The following SND1 variants were observed in gnomAD, a reference collection of about 807,000 sequenced individuals.
SND1 encodes staphylococcal nuclease and tudor domain containing 1.
In SND1, 38 loss-of-function variants were observed where a neutral mutation model predicts 121.7. The observed-to-expected ratio is 0.31, with a 90% CI of 0.24 to 0.41. The LOEUF (loss-of-function observed/expected upper bound fraction) is 0.41, where lower values mean the gene tolerates loss of function less well. SND1 is among the 10% of genes least tolerant of loss of function. The pLI is 1.00. For synonymous variants in SND1, 401 were observed against 447.4 expected (o/e 0.90, Z 1.31); for missense variants, 868 against 1,184.6 (o/e 0.73, Z 3.92).
At chr7:127,708,350 T>C (rs941381302) in intron 9 of SND1, among the ~76,000 whole-genome samples, 2 of 151,394 alleles carry the variant, frequency 1.3e-5, no homozygotes, top group Non-Finnish European at 2.9e-5. Context: ...TTCCTTCCTT[T>C]CTCCCTCCCT....
In SND1 at chr7:128,029,996, G is replaced by T; in HGVS notation, c.1779+38940G>T. 1 of 1,613,146 alleles carries T rather than the reference G, an allele frequency of 6.2e-7. No individual in the cohort carries two copies. Among genetic ancestry groups the T allele is most frequent in the Non-Finnish European group, 8.5e-7 (1 of 1,180,032 alleles). On this transcript the variant is annotated intron_variant, in intron 16 of 23. Coordinates refer to ENST00000354725, the MANE Select transcript of SND1 (RefSeq NM_014390.4). This position sits in a 1 kb window ranked among gnomAD's most constrained non-coding sequence, Gnocchi z 4.2. ...CCAGCTCCTCCAGCCCCACCAGGGG[G>T]GTGAGATTGGGCATGTCTTTAATGT...
chr7:127,907,409 G>A (rs1800362886), intron 14 of SND1, among the ~76,000 whole-genome samples: 1 of 152,284 alleles, frequency 6.6e-6, no homozygotes, highest in Non-Finnish European at 1.5e-5. Context: ...AAAATAAACA[G>A]GGAAAAAGAC....
intron 17 of SND1, among the ~76,000 whole-genome samples, chr7:128,076,033 C>G (rs1233039674): frequency 2.0e-5 from 3 of 152,208 alleles, no homozygotes; most frequent in African/African-American, 7.2e-5. Context: ...CGGCAAGCCC[C>G]AGAGTCTAAC....
intron 12 of SND1, among the ~76,000 whole-genome samples, chr7:127,883,008 T>C (rs1173587158): frequency 6.6e-6 from 1 of 152,146 alleles, no homozygotes; most frequent in African/African-American, 2.4e-5. Context: ...AGGACTGAAA[T>C]GCTTCTCCAA....
intron 16 of SND1, among the ~76,000 whole-genome samples, chr7:128,012,042 C>G (rs1255104415): frequency 6.6e-6 from 1 of 151,958 alleles, no homozygotes; most frequent in African/African-American, 2.4e-5. Context: ...TTGAAGCTCC[C>G]CAGGCAATTT....
At chr7:127,931,462 C>A (rs571666591) in intron 15 of SND1, among the ~76,000 whole-genome samples, 2 of 152,300 alleles carry the variant, frequency 1.3e-5, no homozygotes, top group Non-Finnish European at 2.9e-5. Flanking sequence ...GAGAAGCCAT[C>A]TTCATAACAT....
intron 21 of SND1, among the ~76,000 whole-genome samples, chr7:128,088,704 C>T (rs1307309971): frequency 2.6e-5 from 4 of 151,764 alleles, no homozygotes; most frequent in South Asian, 2.1e-4. Flanking sequence ...CCACCCACCT[C>T]GGCCTCCCAA....
intron 16 of SND1, among the ~76,000 whole-genome samples, chr7:128,067,970 C>T (rs1793345361): frequency 6.6e-6 from 1 of 152,050 alleles, no homozygotes; most frequent in Non-Finnish European, 1.5e-5. Context: ...CTTATTTAAG[C>T]CAGCCTTACC....
chr7:127,697,948 A>C (rs2116331532), intron 3 of SND1, among the ~76,000 whole-genome samples: 1 of 152,276 alleles, frequency 6.6e-6, no homozygotes, highest in East Asian at 1.9e-4. Flanking sequence ...TTTTTATGTG[A>C]TTATTCCCTC....
intron 15 of SND1, among the ~76,000 whole-genome samples, chr7:127,983,893 C>T (rs538289810): frequency 2.6e-5 from 4 of 152,202 alleles, no homozygotes; most frequent in East Asian, 1.9e-4. Context: ...TAAGTTTTTC[C>T]GATATGGCGT....
chr7:127,802,188 A>G (rs1446574478), intron 10 of SND1, among the ~76,000 whole-genome samples: 2 of 152,106 alleles, frequency 1.3e-5, no homozygotes, highest in Admixed American at 6.5e-5. Flanking sequence ...CTAATTGCCT[A>G]CTGTTGACCA....
chr7:127,800,556 T>C (rs1036037513), intron 10 of SND1, among the ~76,000 whole-genome samples: 2 of 152,220 alleles, frequency 1.3e-5, no homozygotes, highest in Admixed American at 6.5e-5. Flanking sequence ...GTATGAAATA[T>C]TGGGAGAAAT....
At chr7:127,661,729 G>T (rs1795314817) in intron 1 of SND1, among the ~76,000 whole-genome samples, 1 of 152,114 alleles carries the variant, frequency 6.6e-6, no homozygotes, top group Admixed American at 6.5e-5. Flanking sequence ...GCGTTCAGGT[G>T]GATGTCATCC....
At position 127,766,771 on chromosome 7, in the gene SND1, CAAAAAAAAAAAAAAA is replaced by C. The variant is rs59243807; in HGVS notation, c.1153-40697_1153-40683del. Among the ~76,000 whole-genome samples, 64 of 33,212 alleles carry C rather than the reference CAAAAAAAAAAAAAAA, an allele frequency of 1.9e-3. 2 individuals carry two copies. The highest frequency in any genetic ancestry group is 0.011 in the South Asian group (3 of 276). The allele number at this position is 33,212 out of a possible 152,430, so 21.8% of individuals were successfully genotyped here. On this transcript the variant is annotated intron_variant, in intron 10 of 23. Transcript: ENST00000354725. ...TGGGTGACAAAGCGAGACTTTGTCTCAAAAAAAAAAAAAAAAAAAAAAAAAAAAAATAGTTTTTTT... is the reference window on the plus strand; with the variant it reads ...TGGGTGACAAAGCGAGACTTTGTCTCAAAAAAAAAAAAAAATAGTTTTTTT...
rs560871207 is a variant in SND1, at chr7:127,749,847, C to T, written c.1152+28447C>T. Among the ~76,000 whole-genome samples the T allele has an allele frequency of 1.9e-3, 294 of 152,314 alleles. 3 individuals are homozygous for T. Among genetic ancestry groups the T allele is most frequent in the Middle Eastern group, 3.4e-3 (1 of 294 alleles). The stretch of plus-strand genomic sequence containing the variant: ...TGAATCTGGGTGCAGTGGCTCAAGC[C>T]TGCAATGCCAACAATTTGGGAGGCC... On this transcript the variant is annotated intron_variant, in intron 10 of 23. Coordinates refer to ENST00000354725, the MANE Select transcript of SND1 (RefSeq NM_014390.4).
At chr7:128,078,799 G>A (rs187538360) in intron 17 of SND1, among the ~76,000 whole-genome samples, 30 of 152,348 alleles carry the variant, frequency 2.0e-4, no homozygotes, top group Admixed American at 1.8e-3. Flanking sequence ...GGCTAGGATG[G>A]GAGCCCTCAA....
At chr7:127,886,167 G>C (rs1306748819) in intron 12 of SND1, among the ~76,000 whole-genome samples, 1 of 152,070 alleles carries the variant, frequency 6.6e-6, no homozygotes, top group East Asian at 1.9e-4. Context: ...TTTGAGAAGT[G>C]CTAATTCCGT....
chr7:128,042,068 A>C (rs914908308), intron 16 of SND1, among the ~76,000 whole-genome samples: 2 of 151,972 alleles, frequency 1.3e-5, no homozygotes, highest in Admixed American at 1.3e-4. Context: ...TGGCTAGAAG[A>C]GCTCTCATTC....
intron 14 of SND1, among the ~76,000 whole-genome samples, chr7:127,908,314 A>C: frequency 8.1e-6 from 1 of 122,706 alleles, no homozygotes. Context: ...AAAAATAATA[A>C]TAAATGTGTG....
Sources: gnomAD v4.1 joint callset for allele counts (sites outside exome capture counted in the v4.1 genomes callset) on GRCh38, gnomAD v4.1.1 for gene constraint, Gnocchi (gnomAD v3.1) non-coding constraint, MANE v1.5 for transcripts, NCBI Gene and HGNC (gene_info 2026-07-23, HGNC 2026-07-21) for gene names.